Variants in CNTNAP5 observed in about 807,000 individuals in gnomAD.
CNTNAP5 encodes the protein contactin-associated protein-like 5.
In CNTNAP5, 72 loss-of-function variants were observed where a neutral mutation model predicts 150.2. That is an observed-to-expected ratio of 0.48 (90% CI 0.40 to 0.58). The LOEUF (loss-of-function observed/expected upper bound fraction) is 0.58, where lower values mean the gene tolerates loss of function less well. CNTNAP5 is among the 20% of genes least tolerant of loss of function. The pLI is 0.00. For synonymous variants in CNTNAP5, 672 were observed against 619.8 expected, an observed-to-expected ratio of 1.08 and a Z score of -1.25; for missense variants, 1,636 against 1,626.2, an observed-to-expected ratio of 1.01 and a Z score of -0.10.
At chr2:124,773,939 TGTGTGTGTGAGAGA>T (rs893971676) in intron 17 of CNTNAP5, among the ~76,000 whole-genome samples, 1 of 147,098 alleles carries the variant, frequency 6.8e-6, no homozygotes, top group African/African-American at 2.6e-5. Context: ...TGTGTGTGTG[TGTGTGTGTGAGAGA>T]GAGAGAGAGA....
chr2:124,417,638 C>A (rs146323614), intron 4 of CNTNAP5, 48 bp downstream of exon 4: 14 of 1,543,970 alleles, frequency 9.1e-6, no homozygotes, highest in Non-Finnish European at 1.2e-5. Flanking sequence ...TGAGTGGCAC[C>A]GCCTACGTAA....
At chr2:124,595,819 T>C (rs1241462084) in intron 11 of CNTNAP5, among the ~76,000 whole-genome samples, 2 of 137,834 alleles carry the variant, frequency 1.5e-5, no homozygotes, top group Non-Finnish European at 1.6e-5. Context: ...TTTCAGCTCC[T>C]GTTATTGGTC....
intron 19 of CNTNAP5, among the ~76,000 whole-genome samples, chr2:124,802,420 C>T (rs1681989604): frequency 6.6e-6 from 1 of 152,144 alleles, no homozygotes; most frequent in South Asian, 2.1e-4. Flanking sequence ...CAAAGGAAAA[C>T]AGGTACTTCT....
intron 21 of CNTNAP5, among the ~76,000 whole-genome samples, chr2:124,901,904 G>T (rs1417738926): frequency 2.0e-5 from 3 of 152,160 alleles, no homozygotes; most frequent in Admixed American, 6.5e-5. Flanking sequence ...CCAACATAAT[G>T]CATGCTTATA....
intron 3 of CNTNAP5, among the ~76,000 whole-genome samples, chr2:124,283,612 G>T (rs1218210548): frequency 6.6e-6 from 1 of 152,222 alleles, no homozygotes; most frequent in Non-Finnish European, 1.5e-5. Flanking sequence ...TTGCTGAGAA[G>T]ACTTGCCTTG....
intron 3 of CNTNAP5, among the ~76,000 whole-genome samples, chr2:124,281,276 T>G (rs537119591): frequency 6.6e-6 from 1 of 151,984 alleles, no homozygotes; most frequent in Non-Finnish European, 1.5e-5. Context: ...TTAGAGAAAA[T>G]TGGTATGAAG....
chr2:124,057,448 A>ATT (rs556571236), intron 1 of CNTNAP5, among the ~76,000 whole-genome samples: 1,172 of 62,742 alleles, frequency 0.019, 138 homozygotes, highest in Non-Finnish European at 0.023. Context: ...CGGCCAGCTA[A>ATT]TTTTTTTTTT....
chr2:124,274,248 G>A (rs1178283648), intron 3 of CNTNAP5, among the ~76,000 whole-genome samples: 2 of 152,092 alleles, frequency 1.3e-5, no homozygotes, highest in African/African-American at 4.8e-5. Context: ...CCACATACTG[G>A]ACAGCCACCT....
intron 21 of CNTNAP5, among the ~76,000 whole-genome samples, chr2:124,893,498 T>A (rs1036662268): frequency 1.3e-5 from 2 of 152,142 alleles, no homozygotes; most frequent in African/African-American, 4.8e-5. Context: ...CATGTCTTAA[T>A]GCTACTGTAT....
rs1558803811 is a variant in CNTNAP5 at position 124,860,449 on chromosome 2, TTCTTTCCTTCCTTCCTTCC to T, written c.3218-4855_3218-4837del. On this transcript the variant is annotated intron_variant, in intron 19 of 23. Transcript: ENST00000682447. ...CTTCCTTCCTTCCTTCCTTCCTTCCTTCTTTCCTTCCTTCCTTCCTTCCTTCCTTCCTTCCTTCCTTCCT... is the reference window on the plus strand; with the variant it reads ...CTTCCTTCCTTCCTTCCTTCCTTCCTTTCCTTCCTTCCTTCCTTCCTTCCT... Among the ~76,000 whole-genome samples, 82 of 109,760 alleles carry T rather than the reference TTCTTTCCTTCCTTCCTTCC, an allele frequency of 7.5e-4. 2 individuals carry two copies. Among genetic ancestry groups the T allele is most frequent in the African/African-American group, 1.5e-3 (36 of 23,980 alleles). 72.0% of individuals were successfully genotyped at this position (109,760 alleles called of 152,430 possible). A position where few individuals can be genotyped will look rare whatever the true frequency, so the allele number is the denominator to read the frequency against.
intron 19 of CNTNAP5, among the ~76,000 whole-genome samples, chr2:124,856,488 A>G (rs1314986205): frequency 1.3e-5 from 2 of 151,696 alleles, no homozygotes; most frequent in East Asian, 1.9e-4. Context: ...CACTGCATCC[A>G]TGCCATTATC....
intron 6 of CNTNAP5, among the ~76,000 whole-genome samples, chr2:124,464,615 C>A (rs1214755347): frequency 6.6e-6 from 1 of 152,088 alleles, no homozygotes; most frequent in African/African-American, 2.4e-5. Context: ...AAACGATGAC[C>A]CTGGGCAAGA....
chr2:124,623,002 A>G (rs1677650018), intron 12 of CNTNAP5, among the ~76,000 whole-genome samples: 1 of 152,200 alleles, frequency 6.6e-6, no homozygotes, highest in Admixed American at 6.5e-5. Context: ...AGTAAGTACT[A>G]GAAACAGGAT....
At chr2:124,746,349 A>G (rs1680603250) in intron 13 of CNTNAP5, among the ~76,000 whole-genome samples, 1 of 152,208 alleles carries the variant, frequency 6.6e-6, no homozygotes, top group Non-Finnish European at 1.5e-5. Flanking sequence ...TACATTTTGT[A>G]AAGAAAAAAA....
chr2:124,419,899 T>C (rs963654112), intron 4 of CNTNAP5, among the ~76,000 whole-genome samples: 4 of 83,460 alleles, frequency 4.8e-5, no homozygotes, highest in Non-Finnish European at 9.2e-5. Context: ...GGATTGGTTT[T>C]CTTTCTTTCT....
chr2:124,469,840 C>T (rs1472594437), intron 6 of CNTNAP5, among the ~76,000 whole-genome samples: 1 of 152,112 alleles, frequency 6.6e-6, no homozygotes, highest in South Asian at 2.1e-4. Context: ...GTTTTCTGTT[C>T]CTGCATTAGT....
intron 10 of CNTNAP5, among the ~76,000 whole-genome samples, chr2:124,561,123 G>C (rs759418866): frequency 7.6e-6 from 1 of 131,430 alleles, no homozygotes; most frequent in Non-Finnish European, 1.7e-5. Flanking sequence ...TGTGCTGTGG[G>C]GAGGGGATGG....
intron 17 of CNTNAP5, among the ~76,000 whole-genome samples, chr2:124,781,735 A>G (rs916966651): frequency 3.3e-5 from 5 of 152,166 alleles, no homozygotes; most frequent in African/African-American, 1.2e-4. Context: ...AAATAGTGAG[A>G]TGGTACTTCT....
At chr2:124,835,696 C>G (rs1682815316) in intron 19 of CNTNAP5, among the ~76,000 whole-genome samples, 1 of 152,068 alleles carries the variant, frequency 6.6e-6, no homozygotes, top group Non-Finnish European at 1.5e-5. Context: ...GGTGTGCAAG[C>G]CTGGAAAATT....
Sources: allele counts gnomAD v4.1 joint callset (sites outside exome capture counted in the v4.1 genomes callset), GRCh38; gene constraint gnomAD v4.1.1; transcripts MANE v1.5; gene names NCBI Gene and HGNC (gene_info 2026-07-23, HGNC 2026-07-21).